The following COL4A6 variants were observed in gnomAD, a reference collection of about 807,000 sequenced individuals.
COL4A6 encodes collagen alpha-6(IV) chain.
Under a neutral mutation model 126.7 loss-of-function variants are expected in COL4A6, and 59 were observed. The observed-to-expected ratio is 0.47, with a 90% CI of 0.38 to 0.58. The LOEUF (loss-of-function observed/expected upper bound fraction) is 0.58. Ranked by LOEUF, COL4A6 falls within the 20% of genes least tolerant of loss-of-function variation. The pLI is 0.00. For synonymous variants in COL4A6, 547 were observed against 496.6 expected (o/e 1.10, Z -1.35); for missense variants, 1,285 against 1,337.3 (o/e 0.96, Z 0.61).
intron 2 of COL4A6, among the ~76,000 whole-genome samples, chrX:108,415,622 AAAGGAAATATCCTTATCATTC>A (rs1296179300): frequency 1.8e-5 from 2 of 112,322 alleles, no homozygotes; most frequent in Admixed American, 9.4e-5. Context: ...ACACAAGTTT[AAAGGAAATATCCTTATCATTC>A]ATCATTCCAG....
At chrX:108,361,442 A>G (rs2040082467) in intron 2 of COL4A6, among the ~76,000 whole-genome samples, 1 of 111,833 alleles carries the variant, frequency 8.9e-6, no homozygotes, top group African/African-American at 3.3e-5. Context: ...ATATTTATAG[A>G]GGGCTTTCAT....
chrX:108,203,000 G>A lies in COL4A6; in HGVS notation c.781-19C>T. 8.3e-7 allele frequency: 1 copy of A among 1,199,338 alleles called. No homozygotes were observed. Among genetic ancestry groups the A allele is most frequent in the Non-Finnish European group, 1.1e-6 (1 of 884,578 alleles). ...GTTCACCCTGGAAAATCAGCCCAAG[G>A]TTAGTAAGTAGCATCAGGAAGCAGT... On this transcript the variant is annotated intron_variant, in intron 12 of 44. Coordinates refer to ENST00000334504, the MANE Select transcript of COL4A6 (RefSeq NM_033641.4).
intron 3 of COL4A6, among the ~76,000 whole-genome samples, chrX:108,254,041 G>C (rs1020342785): frequency 8.1e-5 from 9 of 111,402 alleles, no homozygotes; most frequent in Admixed American, 5.7e-4. Flanking sequence ...TGCCTCACAA[G>C]GTACAGTCAA....
At chrX:108,287,056 A>G (rs1388591774) in intron 3 of COL4A6, among the ~76,000 whole-genome samples, 4 of 111,587 alleles carry the variant, frequency 3.6e-5, no homozygotes, top group Non-Finnish European at 7.5e-5. Context: ...GATCATGGAG[A>G]TGCCATTCAA....
chrX:108,364,022 C>T (rs988576112), intron 2 of COL4A6, among the ~76,000 whole-genome samples: 1 of 110,341 alleles, frequency 9.1e-6, no homozygotes, highest in African/African-American at 3.3e-5. Flanking sequence ...CAGGTGTGTG[C>T]CACCACACCC....
At chrX:108,430,399 G>C (rs1220086715) in intron 2 of COL4A6, among the ~76,000 whole-genome samples, 1 of 111,914 alleles carries the variant, frequency 8.9e-6, no homozygotes, top group African/African-American at 3.2e-5. Context: ...AAGCAGTTGG[G>C]TCAGAAAATG....
At chrX:108,248,978 T>C (rs933971101) in intron 3 of COL4A6, among the ~76,000 whole-genome samples, 3 of 109,720 alleles carry the variant, frequency 2.7e-5, no homozygotes, top group African/African-American at 9.9e-5. Flanking sequence ...CCTGATGATC[T>C]GTCACTGTCT....
upstream of COL4A6, among the ~76,000 whole-genome samples, chrX:108,439,117 A>T (rs73638846): frequency 3.9e-3 from 435 of 111,680 alleles, 2 homozygotes; most frequent in African/African-American, 0.014. Context: ...ACTGCACTAA[A>T]TTTATTTAAT....
intron 2 of COL4A6, among the ~76,000 whole-genome samples, chrX:108,379,217 C>G (rs954006772): frequency 6.3e-5 from 7 of 111,373 alleles, no homozygotes; most frequent in Non-Finnish European, 1.3e-4. Context: ...AGGGAGAATG[C>G]CCACACTTTT....
At chrX:108,195,571 C>T (rs1473411183) in intron 14 of COL4A6, among the ~76,000 whole-genome samples, 2 of 112,300 alleles carry the variant, frequency 1.8e-5, no homozygotes, top group African/African-American at 6.5e-5. Context: ...CGTGCCTGGC[C>T]TAATGACTTC....
intron 2 of COL4A6, among the ~76,000 whole-genome samples, chrX:108,320,823 A>T (rs752406987): frequency 1.8e-5 from 2 of 112,217 alleles, no homozygotes; most frequent in Non-Finnish European, 3.8e-5. Context: ...TGTCTTTCAC[A>T]TAAAATCTCA....
At chrX:108,245,090 C>A (rs1824366434) in intron 3 of COL4A6, among the ~76,000 whole-genome samples, 1 of 112,414 alleles carries the variant, frequency 8.9e-6, no homozygotes, top group Non-Finnish European at 1.9e-5. Flanking sequence ...TTCATCAGTA[C>A]ATGTGACAAG....
At position 108,205,682 on chromosome X, in the gene COL4A6, G is replaced by A; in HGVS notation, c.623C>T (p.Pro208Leu). 1 of 1,206,848 alleles carries A rather than the reference G, an allele frequency of 8.3e-7. No individual in the cohort carries two copies. Among genetic ancestry groups the A allele is most frequent in the Non-Finnish European group, 1.1e-6 (1 of 893,021 alleles). ...TACATCAGGACCAAGAGGACCAGGA[G>A]GCCCTGGAGGACCCTAGATTTTTTT... ...GPPGLQGPPG[P>L]PGPLGPDGNM... The change falls in exon 10 of 45, where the codon CCT becomes CTT. Residue 208 changes from proline to leucine, a missense_variant. Physicochemically the swap from Pro to Leu is moderately conservative, Grantham distance 98. Transcript: ENST00000334504.
chrX:108,180,865 G>A, intron 24 of COL4A6, 32 bp downstream of exon 24: 1 of 1,177,223 alleles, frequency 8.5e-7, no homozygotes. Flanking sequence ...TTACAAGAGT[G>A]TTTAGTGGCT....
At chrX:108,408,030 GC>G (rs1165589258) in intron 2 of COL4A6, among the ~76,000 whole-genome samples, 5 of 111,749 alleles carry the variant, frequency 4.5e-5, no homozygotes, top group African/African-American at 1.3e-4. Flanking sequence ...AGCTAAGTAG[GC>G]CGGGTGGGGT....
At chrX:108,374,974 C>T (rs958985253) in intron 2 of COL4A6, among the ~76,000 whole-genome samples, 2 of 111,888 alleles carry the variant, frequency 1.8e-5, no homozygotes, top group Admixed American at 9.5e-5. Context: ...AGTAAGTAAA[C>T]GGAAAAGAGA....
intron 3 of COL4A6, among the ~76,000 whole-genome samples, chrX:108,287,534 T>C (rs2038040132): frequency 8.9e-6 from 1 of 111,933 alleles, no homozygotes; most frequent in Non-Finnish European, 1.9e-5. Context: ...GCATGATCCT[T>C]TTAGTACTCT....
rs1043557014 is a variant in COL4A6, at chrX:108,194,571, A to C, written c.965T>G (p.Leu322Arg). ...PPGQQGKKGT[L>R]GFPGLNGFQG... ...GAATCCATTAAGCCCAGGAAATCCCAGGGTCCCTTTCTTGCCCTGTGACAG... is the reference window on the plus strand; with the variant it reads ...GAATCCATTAAGCCCAGGAAATCCCCGGGTCCCTTTCTTGCCCTGTGACAG... The change falls in exon 16 of 45, where the codon CTG (leucine) becomes CGG (arginine). Residue 322 changes from leucine to arginine, a missense_variant. By Grantham distance (102) the Leu-to-Arg change is moderately radical (BLOSUM62 -2). Transcript: ENST00000334504. The C allele has an allele frequency of 8.3e-7, 1 of 1,209,199 alleles. No individual in the cohort carries two copies. The highest frequency in any genetic ancestry group is 1.7e-5 in the African/African-American group (1 of 57,209).
chrX:108,286,123 T>C (rs937796000), intron 3 of COL4A6, among the ~76,000 whole-genome samples: 1 of 111,888 alleles, frequency 8.9e-6, no homozygotes, highest in South Asian at 3.8e-4. Flanking sequence ...TGTGCATAAG[T>C]CAAACAAAAT....
Sources: gnomAD v4.1 joint callset for allele counts (sites outside exome capture counted in the v4.1 genomes callset) on GRCh38, gnomAD v4.1.1 for gene constraint, MANE v1.5 for transcripts, NCBI Gene and HGNC (gene_info 2026-07-23, HGNC 2026-07-21) for gene names.